CNOT4: variants seen among roughly 807,000 people sequenced by gnomAD.
CNOT4 encodes the protein CCR4-NOT transcription complex subunit 4.
Under a neutral mutation model 73.8 loss-of-function variants are expected in CNOT4, and 8 were observed. The ratio of observed to expected loss-of-function variants is 0.11; its 90% CI spans 0.06 to 0.20. The LOEUF (loss-of-function observed/expected upper bound fraction) is 0.20, where lower values mean the gene tolerates loss of function less well. Ranked by LOEUF, CNOT4 falls within the 10% of genes least tolerant of loss-of-function variation. The pLI, the probability that CNOT4 is intolerant of heterozygous loss-of-function variation, is 1.00. For synonymous variants in CNOT4, 293 were observed against 321.1 expected (o/e 0.91, Z 0.94); for missense variants, 564 against 883.4 (o/e 0.64, Z 4.58).
At position 135,509,942 on chromosome 7, in the gene CNOT4, T is replaced by G; in HGVS notation, c.-146A>C. On this transcript the variant is annotated 5_prime_UTR_variant, in exon 1 of 12. Coordinates refer to ENST00000541284, the MANE Select transcript of CNOT4 (RefSeq NM_001190850.2). ...GCCGACTCCACGGGCTGCCGCGTCC[T>G]CACAAGAAACCACCGAACGAGCGTC... The G allele has an allele frequency of 2.5e-6, 1 of 399,006 alleles. No individual in the cohort carries two copies. The highest frequency in any genetic ancestry group is 4.4e-6 in the Non-Finnish European group (1 of 226,290). The allele number at this position is 399,006 out of a possible 1,614,324, so 24.7% of individuals were successfully genotyped here. A position where few individuals can be genotyped will look rare whatever the true frequency, so the allele number is the denominator to read the frequency against.
intron 1 of CNOT4, among the ~76,000 whole-genome samples, chr7:135,442,677 T>C (rs1306108518): frequency 6.6e-6 from 1 of 152,170 alleles, no homozygotes; most frequent in Admixed American, 6.5e-5. Flanking sequence ...CATAGAAATA[T>C]CTTTTTAAAT....
chr7:135,397,692 T>C (rs1026025251), intron 8 of CNOT4, among the ~76,000 whole-genome samples: 2 of 152,014 alleles, frequency 1.3e-5, no homozygotes, highest in Non-Finnish European at 2.9e-5. Context: ...AGTTTCATAG[T>C]AAATTCAACT....
chr7:135,384,159 T>C (rs1468073587), intron 10 of CNOT4: 1 of 152,512 alleles, frequency 6.6e-6, no homozygotes, highest in East Asian at 1.9e-4. Flanking sequence ...TTCACCCCCA[T>C]TTTCAAACAA....
At chr7:135,415,074 C>A in intron 4 of CNOT4, 102 bp downstream of exon 4, 1 of 734,572 alleles carries the variant, frequency 1.4e-6, no homozygotes. Context: ...AAGTCCTTGT[C>A]CCTCAAGCTT....
In CNOT4 at chr7:135,362,755, G is replaced by T; in HGVS notation, c.*130C>A. ...ATCGCATTGCATCTGGGGTTAGGGA[G>T]AAAAAAAATTGATCAGGTACTGGAT... On this transcript the variant is annotated 3_prime_UTR_variant, in exon 12 of 12. Coordinates refer to ENST00000541284, the MANE Select transcript of CNOT4 (RefSeq NM_001190850.2). The T allele has an allele frequency of 1.1e-6, 1 of 896,198 alleles. No individual in the cohort carries two copies. The highest frequency in any genetic ancestry group is 1.9e-6 in the Non-Finnish European group (1 of 533,014). 55.5% of individuals were successfully genotyped at this position (896,198 alleles called of 1,614,324 possible). A position where few individuals can be genotyped will look rare whatever the true frequency, so the allele number is the denominator to read the frequency against.
chr7:135,457,601 G>A (rs1000294652), intron 1 of CNOT4, among the ~76,000 whole-genome samples: 3 of 152,016 alleles, frequency 2.0e-5, no homozygotes, highest in African/African-American at 7.2e-5. Context: ...AAATTTGTAA[G>A]TTTCAATGGC....
intron 2 of CNOT4, among the ~76,000 whole-genome samples, chr7:135,430,168 A>G (rs1390790402): frequency 6.6e-6 from 1 of 152,236 alleles, no homozygotes; most frequent in African/African-American, 2.4e-5. Context: ...TTCCCAACTC[A>G]TTTTATGTGG....
intron 10 of CNOT4, chr7:135,387,315 G>T (rs1348900151): frequency 3.0e-6 from 3 of 985,190 alleles, no homozygotes; most frequent in Non-Finnish European, 3.6e-6. Context: ...TACAGCCTCA[G>T]TTAACCAAAT....
intron 1 of CNOT4, chr7:135,508,930 GA>G (rs56317791): frequency 0.072 from 10,863 of 150,586 alleles, 468 homozygotes; most frequent in Middle Eastern, 0.12. Context: ...GGTCCAAAAC[GA>G]AAAAAAAGAA....
At chr7:135,413,151 C>T (rs1224494331) in intron 6 of CNOT4, among the ~76,000 whole-genome samples, 1 of 151,972 alleles carries the variant, frequency 6.6e-6, no homozygotes, top group Non-Finnish European at 1.5e-5. Flanking sequence ...AATAGCATTT[C>T]CCAAAGTGTT....
intron 1 of CNOT4, among the ~76,000 whole-genome samples, chr7:135,480,888 C>CAAAAAAAAAAAAA (rs202103531): frequency 1.3e-5 from 1 of 75,808 alleles, no homozygotes. Context: ...TATCTATATG[C>CAAAAAAAAAAAAA]AAAAAAAAAA....
rs1010972767 is a variant in CNOT4, at chr7:135,364,759, G to A, written c.1628-693C>T. On this transcript the variant is annotated intron_variant, in intron 10 of 11. Transcript: ENST00000541284. This position sits in a 1 kb window ranked among gnomAD's most constrained non-coding sequence, Gnocchi z 4.3. ...ACCAATCATTCACAGCCTGAGTCCC[G>A]GAGTCCTACAGTTTTCTGGGTCTAT... 3.9e-5 allele frequency among the ~76,000 whole-genome samples: 6 copies of A among 152,204 alleles called. No homozygotes were observed. The highest frequency in any genetic ancestry group is 2.1e-4 in the South Asian group (1 of 4,818).
intron 1 of CNOT4, among the ~76,000 whole-genome samples, chr7:135,496,894 T>A (rs748597905): frequency 6.6e-6 from 1 of 151,816 alleles, no homozygotes; most frequent in Non-Finnish European, 1.5e-5. Flanking sequence ...GCAGCCTCGA[T>A]CTATCAAGCT....
At chr7:135,435,448 A>G (rs2551773) in intron 2 of CNOT4, among the ~76,000 whole-genome samples, 95,287 of 152,046 alleles carry the variant, frequency 0.63, 30,070 homozygotes, top group East Asian at 0.76. Context: ...ATTTGCTCTT[A>G]TAATGTGTCC....
intron 1 of CNOT4, among the ~76,000 whole-genome samples, chr7:135,495,746 G>A (rs1803516312): frequency 2.0e-5 from 2 of 99,768 alleles, no homozygotes; most frequent in Non-Finnish European, 4.6e-5. Flanking sequence ...AAGAAAGAAA[G>A]AAAGAAAGAA....
chr7:135,449,827 G>T (rs1455219707), intron 1 of CNOT4, among the ~76,000 whole-genome samples: 1 of 122,154 alleles, frequency 8.2e-6, no homozygotes, highest in Non-Finnish European at 1.9e-5. Context: ...GAATATTGTG[G>T]GTTTTTTTTT....
At chr7:135,418,537 T>C (rs1286781644) in intron 3 of CNOT4, among the ~76,000 whole-genome samples, 2 of 152,074 alleles carry the variant, frequency 1.3e-5, no homozygotes, top group East Asian at 1.9e-4. Flanking sequence ...GGTAATCAGA[T>C]GGATGAATGA....
intron 2 of CNOT4, among the ~76,000 whole-genome samples, chr7:135,424,136 A>T (rs959325479): frequency 6.6e-6 from 1 of 152,066 alleles, no homozygotes; most frequent in African/African-American, 2.4e-5. Context: ...TAATTTAAGG[A>T]ACCAAACAGT....
At chr7:135,409,211 T>C (rs1797462507) in intron 7 of CNOT4, among the ~76,000 whole-genome samples, 1 of 152,098 alleles carries the variant, frequency 6.6e-6, no homozygotes, top group African/African-American at 2.4e-5. Context: ...TGGCAACGAA[T>C]AAGATAAGTA....
Sources: gnomAD v4.1 joint callset for allele counts (sites outside exome capture counted in the v4.1 genomes callset) on GRCh38, gnomAD v4.1.1 for gene constraint, Gnocchi (gnomAD v3.1) non-coding constraint, MANE v1.5 for transcripts, NCBI Gene and HGNC (gene_info 2026-07-23, HGNC 2026-07-21) for gene names.